GALNT13: variants seen among roughly 807,000 people sequenced by gnomAD.
GALNT13 encodes polypeptide N-acetylgalactosaminyltransferase 13.
A neutral mutation model predicts 64.2 loss-of-function variants in GALNT13; 28 were observed. The ratio of observed to expected loss-of-function variants is 0.44; its 90% confidence interval spans 0.32 to 0.60. The LOEUF (loss-of-function observed/expected upper bound fraction) is 0.60, where lower values mean the gene tolerates loss of function less well. Ranked by LOEUF, GALNT13 falls within the 20% of genes least tolerant of loss-of-function variation. The pLI is 0.05. For synonymous variants in GALNT13, 214 were observed against 224.6 expected (o/e 0.95, Z 0.42); for missense variants, 577 against 669.8 (o/e 0.86, Z 1.53).
In GALNT13 at chr2:153,983,183, C is replaced by T. The variant is rs1694584021; in HGVS notation, c.142+38544C>T. Among the ~76,000 whole-genome samples, 8 of 151,732 alleles carry T rather than the reference C, an allele frequency of 5.3e-5. No individual in the cohort carries two copies. The South Asian group carries it at 1.7e-3, about 31-fold the overall frequency. ...TTTGCTGTAGTTTCTTCAATGTTTG[C>T]TGAATTTTTGAGTAAATATGAATGT... On this transcript the variant is annotated intron_variant, in intron 3 of 12. Transcript: ENST00000392825.
At chr2:154,236,734 A>G (rs949354284) in intron 4 of GALNT13, among the ~76,000 whole-genome samples, 5 of 152,044 alleles carry the variant, frequency 3.3e-5, no homozygotes, top group African/African-American at 9.7e-5. Context: ...AATAATGTCA[A>G]TTTTGCTAAT....
chr2:154,110,989 T>G (rs1702954828), intron 3 of GALNT13, among the ~76,000 whole-genome samples: 1 of 152,186 alleles, frequency 6.6e-6, no homozygotes, highest in African/African-American at 2.4e-5. Flanking sequence ...CAATAAATCT[T>G]ATGTCACATG....
chr2:153,095,617 G>A, the GALNT13 span, among the ~76,000 whole-genome samples: 1 of 152,172 alleles, frequency 6.6e-6, no homozygotes, highest in Non-Finnish European at 1.5e-5. Context: ...ATTCACAATA[G>A]CAAAGACTTG....
At chr2:154,391,193 G>T (rs1455499539) in intron 9 of GALNT13, among the ~76,000 whole-genome samples, 1 of 152,168 alleles carries the variant, frequency 6.6e-6, no homozygotes, top group Admixed American at 6.5e-5. Context: ...CAGCTACCCA[G>T]TTCCAGAGGA....
At chr2:153,723,530 G>C in the GALNT13 span, among the ~76,000 whole-genome samples, 1 of 150,464 alleles carries the variant, frequency 6.6e-6, no homozygotes, top group African/African-American at 2.5e-5. Context: ...GTTTGCAGAC[G>C]ACATGATTGT....
intron 4 of GALNT13, among the ~76,000 whole-genome samples, chr2:154,177,670 TA>T (rs977092338): frequency 1.3e-5 from 2 of 152,184 alleles, no homozygotes; most frequent in African/African-American, 2.4e-5. Context: ...AATAGTGGGC[TA>T]GGGGAAAGGG....
At chr2:153,103,705 C>T in the GALNT13 span, among the ~76,000 whole-genome samples, 6 of 152,154 alleles carry the variant, frequency 3.9e-5, no homozygotes, top group Non-Finnish European at 7.3e-5. Context: ...CTTTTCTATA[C>T]ATTGTCTGTC....
chr2:154,104,550 G>GC (rs1258709377), intron 3 of GALNT13, among the ~76,000 whole-genome samples: 3 of 152,186 alleles, frequency 2.0e-5, no homozygotes, highest in Non-Finnish European at 2.9e-5. Flanking sequence ...TTTCCAGGCA[G>GC]CCAGTGCTGC....
intron 3 of GALNT13, among the ~76,000 whole-genome samples, chr2:154,131,740 A>C (rs931962890): frequency 1.3e-5 from 2 of 152,232 alleles, no homozygotes; most frequent in African/African-American, 4.8e-5. Context: ...GAGTTTATTA[A>C]GGAATATTGA....
the GALNT13 span, among the ~76,000 whole-genome samples, chr2:153,726,766 CTG>C: frequency 6.6e-6 from 1 of 152,056 alleles, no homozygotes; most frequent in South Asian, 2.1e-4. Flanking sequence ...CGGTGAAACC[CTG>C]TCTCTCCTAA....
the GALNT13 span, among the ~76,000 whole-genome samples, chr2:153,143,374 T>C: frequency 6.6e-6 from 1 of 152,046 alleles, no homozygotes; most frequent in East Asian, 1.9e-4. Context: ...AAGAACTCTC[T>C]GGCTCATGCC....
the GALNT13 span, among the ~76,000 whole-genome samples, chr2:153,359,630 C>CA: frequency 0.029 from 1,092 of 38,210 alleles, 228 homozygotes; most frequent in East Asian, 0.1. Context: ...CAGCTTTCAG[C>CA]AAAAAAAAAA....
At chr2:153,253,224 G>C in the GALNT13 span, among the ~76,000 whole-genome samples, 1 of 149,248 alleles carries the variant, frequency 6.7e-6, no homozygotes, top group Non-Finnish European at 1.5e-5. Context: ...TATTCTCTTT[G>C]AAGCAATTGT....
intron 4 of GALNT13, among the ~76,000 whole-genome samples, chr2:154,197,859 A>G (rs911575315): frequency 6.6e-6 from 1 of 152,198 alleles, no homozygotes; most frequent in East Asian, 1.9e-4. Context: ...TTGATCTAGT[A>G]TAAAAGTATC....
chr2:154,322,675 T>A (rs186600396), intron 9 of GALNT13, among the ~76,000 whole-genome samples: 1 of 152,266 alleles, frequency 6.6e-6, no homozygotes, highest in African/African-American at 2.4e-5. Flanking sequence ...GTGTTGTTTG[T>A]CTTGGTTCTA....
the GALNT13 span, among the ~76,000 whole-genome samples, chr2:153,700,628 A>T: frequency 1.3e-5 from 2 of 152,206 alleles, no homozygotes; most frequent in Admixed American, 1.3e-4. Context: ...TAAGCTGATA[A>T]GCAACCCCAG....
chr2:153,392,014 TTA>T, the GALNT13 span, among the ~76,000 whole-genome samples: 6 of 148,580 alleles, frequency 4.0e-5, no homozygotes, highest in African/African-American at 4.9e-5. Context: ...ATCACATTAA[TTA>T]TATGTTTATA....
the GALNT13 span, among the ~76,000 whole-genome samples, chr2:153,226,795 A>T: frequency 6.6e-6 from 1 of 152,240 alleles, no homozygotes; most frequent in South Asian, 2.1e-4. Flanking sequence ...AGAAACGTGA[A>T]TGAAGTATGG....
intron 3 of GALNT13, among the ~76,000 whole-genome samples, chr2:154,014,302 G>A (rs1696847475): frequency 6.6e-6 from 1 of 152,086 alleles, no homozygotes; most frequent in Admixed American, 6.5e-5. Context: ...GGGGTCCTGA[G>A]GTCTCCTGCA....
Sources: allele counts gnomAD v4.1 joint callset (sites outside exome capture counted in the v4.1 genomes callset), GRCh38; gene constraint gnomAD v4.1.1; transcripts MANE v1.5; gene names NCBI Gene and HGNC (gene_info 2026-07-23, HGNC 2026-07-21).